Variants in TBC1D17 observed in about 807,000 individuals in gnomAD.
TBC1D17 encodes TBC1 domain family member 17, also known as TBC1 domain family, member 17.
A neutral mutation model predicts 78.8 loss-of-function variants in TBC1D17; 69 were observed. That is an observed-to-expected ratio of 0.88 (90% confidence interval 0.72 to 1.07). The LOEUF (loss-of-function observed/expected upper bound fraction) is 1.07, where lower values mean the gene tolerates loss of function less well. Among genes scored for constraint, TBC1D17 ranks in the 50% least tolerant of loss-of-function variants. TBC1D17 has a pLI of 0.00. For synonymous variants in TBC1D17, 456 were observed against 358.3 expected (o/e 1.27, Z -3.08); for missense variants, 957 against 861.0 (o/e 1.11, Z -1.39).
In TBC1D17 at chr19:49,882,662, C is replaced by T. The variant is rs145584127; in HGVS notation, c.799-102C>T. 1.9e-4 allele frequency: 274 copies of T among 1,432,844 alleles called. 3 individuals are homozygous for T. In the East Asian group the frequency reaches 6.7e-3, roughly 35 times the overall value. The allele number at this position is 1,432,844 out of a possible 1,614,324, so 88.8% of individuals were successfully genotyped here. A position where few individuals can be genotyped will look rare whatever the true frequency, so the allele number is the denominator to read the frequency against. On this transcript the variant is annotated intron_variant, in intron 7 of 16. Coordinates refer to ENST00000221543, the MANE Select transcript of TBC1D17 (RefSeq NM_024682.3). ...CTGCTGCCTGCCCCTGAATGTTAGT[C>T]ATCCGTCAAGCTAATAAGCTCTCTG...
At chr19:49,884,908 G>A in intron 13 of TBC1D17, 150 bp downstream of exon 13, 1 of 709,064 alleles carries the variant, frequency 1.4e-6, no homozygotes, top group Non-Finnish European at 2.3e-6. Flanking sequence ...AGGCAGAATT[G>A]CTGTTTGAAG....
chr19:49,880,720 C>T (rs911693583), intron 4 of TBC1D17, among the ~76,000 whole-genome samples: 3 of 152,230 alleles, frequency 2.0e-5, no homozygotes, highest in African/African-American at 2.4e-5. Flanking sequence ...GGGTGATTTG[C>T]ACCATCCTGG....
intron 1 of TBC1D17, 173 bp downstream of exon 1, chr19:49,877,917 A>G (rs1196467823): frequency 2.4e-6 from 2 of 834,994 alleles, no homozygotes; most frequent in South Asian, 1.8e-5. Flanking sequence ...AGAACCTCCC[A>G]TGGCCCCGCC....
chr19:49,880,771 A>G (rs1298295114), intron 4 of TBC1D17, among the ~76,000 whole-genome samples: 1 of 151,988 alleles, frequency 6.6e-6, no homozygotes, highest in Non-Finnish European at 1.5e-5. Flanking sequence ...AAGGCACGTG[A>G]CCCCTCTGGG....
chr19:49,887,923 T>TG, intron 15 of TBC1D17, 89 bp downstream of exon 15: 1 of 1,165,964 alleles, frequency 8.6e-7, no homozygotes, highest in South Asian at 1.5e-5. Context: ...GTGTTTAGTG[T>TG]GGGATTATTG....
rs760931150 is a variant in TBC1D17 at position 49,888,621 on chromosome 19, C to T, written c.1944C>T (p.Ser648=). The part of the protein sequence containing the change: ...LPEEEDEGAD[S] ...AGGAGGAGGACGAGGGCGCCGACTC[C>T]TAACCCCGCCAGGCAGCCTCGTTCT... Residue 648 remains serine (S), a synonymous_variant, in exon 17 of 17, where the codon TCC becomes TCT. Coordinates refer to ENST00000221543, the MANE Select transcript of TBC1D17 (RefSeq NM_024682.3). 2.0e-6 allele frequency: 3 copies of T among 1,534,128 alleles called. No homozygotes were observed. The highest frequency in any genetic ancestry group is 2.6e-6 in the Non-Finnish European group (3 of 1,145,142).
At chr19:49,882,450 G>A in intron 7 of TBC1D17, 50 bp downstream of exon 7, 2 of 1,569,890 alleles carry the variant, frequency 1.3e-6, no homozygotes, top group Non-Finnish European at 1.7e-6. Context: ...GTCTCCCTGG[G>A]CGCATGATTT....
chr19:49,880,214 G>C lies in TBC1D17; in HGVS notation c.196-65G>C. 5 of 1,583,606 alleles carry C rather than the reference G, an allele frequency of 3.2e-6. No individual in the cohort carries two copies. In the Middle Eastern group the frequency reaches 5.0e-4, roughly 159 times the overall value. ...CTTTATTCAATGGGGCTATCTTCCA[G>C]GGTAGCCTCGAGGCTAAGATCTGAA... On this transcript the variant is annotated intron_variant, in intron 3 of 16. Coordinates refer to ENST00000221543, the MANE Select transcript of TBC1D17 (RefSeq NM_024682.3).
At chr19:49,877,913 TCCCATGGCCCCGCCC>T (rs1437025529) in intron 1 of TBC1D17, 169 bp downstream of exon 1, 1 of 854,688 alleles carries the variant, frequency 1.2e-6, no homozygotes, top group African/African-American at 1.7e-5. Flanking sequence ...GGGAAGAACC[TCCCATGGCCCCGCCC>T]CCCCGGCTCA....
chr19:49,882,146 G>A lies in TBC1D17; in HGVS notation c.633G>A (p.Val211=). 1 of 1,614,104 alleles carries A rather than the reference G, an allele frequency of 6.2e-7. No individual in the cohort carries two copies. Among genetic ancestry groups the A allele is most frequent in the Non-Finnish European group, 8.5e-7 (1 of 1,180,004 alleles). ...LQLFDQDSSN[V]VSRFLQDPYS... ...TCTTTGACCAGGACAGCTCCAATGT[G>A]GTGTCAGTGAGTGTCCCCAGCAGGA... Residue 211 remains valine, a synonymous_variant, in exon 6 of 17, where the codon GTG becomes GTA. Transcript: ENST00000221543.
Position 49,884,761 on chromosome 19 carries a change from A to T in TBC1D17, c.1444+3A>T, listed in dbSNP as rs2075045774. The T allele has an allele frequency of 9.3e-6, 15 of 1,613,380 alleles. No individual in the cohort carries two copies. The highest frequency in any genetic ancestry group is 1.3e-5 in the Non-Finnish European group (15 of 1,179,842). On this transcript the variant is annotated splice_donor_region_variant and intron_variant, in intron 13 of 16. Coordinates refer to ENST00000221543, the MANE Select transcript of TBC1D17 (RefSeq NM_024682.3). ...CCCCCTGCTCTGCGACTTCCTGGGT[A>T]TGTCTCTCGGGAGGGTGGGCAGGAG...
chr19:49,882,175 C>T, intron 6 of TBC1D17, 23 bp downstream of exon 6: 2 of 1,613,872 alleles, frequency 1.2e-6, no homozygotes, highest in East Asian at 2.2e-5. Flanking sequence ...AGCAGGAGGC[C>T]TGGCGGGTGT....
chr19:49,877,934 G>A (rs1210324464), intron 1 of TBC1D17, 190 bp downstream of exon 1: 1 of 769,294 alleles, frequency 1.3e-6, no homozygotes, highest in East Asian at 2.8e-5. Flanking sequence ...CGCCCCCCCG[G>A]CTCAGGCGAC....
At chr19:49,884,186 C>G (rs1327653689) in intron 10 of TBC1D17, 67 bp from the exon 11 acceptor site, 1 of 1,429,742 alleles carries the variant, frequency 7.0e-7, no homozygotes, top group South Asian at 1.2e-5. Context: ...GGGGCTGGCA[C>G]TGGTGGCCAG....
At chr19:49,885,882 C>T (rs1036636476) in intron 13 of TBC1D17, among the ~76,000 whole-genome samples, 2 of 143,012 alleles carry the variant, frequency 1.4e-5, no homozygotes, top group African/African-American at 2.6e-5. Context: ...GGCTGAGGCA[C>T]AAGAATCACT....
In TBC1D17 at chr19:49,887,775, C is replaced by T; in HGVS notation, c.1600C>T (p.Leu534=). Residue 534 remains leucine (L), a synonymous_variant, in exon 15 of 17, where the codon CTG becomes TTG. Transcript: ENST00000221543. ...GCACCTGCTGGTGGCCTGCGCCATCCTGGACATGGAGAGGGACACCCTCAT... is the reference window on the plus strand; with the variant it reads ...GCACCTGCTGGTGGCCTGCGCCATCTTGGACATGGAGAGGGACACCCTCAT... ...NLHLLVACAI[L]DMERDTLMLS... The T allele has an allele frequency of 2.5e-6, 4 of 1,613,286 alleles. No homozygotes were observed. Among genetic ancestry groups the T allele is most frequent in the Non-Finnish European group, 3.4e-6 (4 of 1,179,830 alleles).
intron 5 of TBC1D17, 63 bp from the exon 6 acceptor site, chr19:49,881,978 A>C (rs1348314737): frequency 2.1e-6 from 3 of 1,430,344 alleles, no homozygotes; most frequent in Non-Finnish European, 2.9e-6. Flanking sequence ...GGCCGAGCAC[A>C]GACAGCCTGG....
At chr19:49,888,098 G>T in intron 15 of TBC1D17, 133 bp from the exon 16 acceptor site, 2 of 1,408,824 alleles carry the variant, frequency 1.4e-6, no homozygotes, top group Non-Finnish European at 9.7e-7. Context: ...AGCATGTCTC[G>T]CCCAGCGCAC....
At chr19:49,880,050 G>A (rs2074998832) in intron 3 of TBC1D17, among the ~76,000 whole-genome samples, 2 of 151,696 alleles carry the variant, frequency 1.3e-5, no homozygotes, top group Non-Finnish European at 2.9e-5. Context: ...TAGAAACGAG[G>A]TTTCTCCATA....
Sources: allele counts gnomAD v4.1 joint callset (sites outside exome capture counted in the v4.1 genomes callset), GRCh38; gene constraint gnomAD v4.1.1; transcripts MANE v1.5; gene names NCBI Gene and HGNC (gene_info 2026-07-23, HGNC 2026-07-21).